MCF2L: variants seen among roughly 807,000 people sequenced by gnomAD.
MCF2L encodes the protein guanine nucleotide exchange factor DBS.
MCF2L carries 97 observed loss-of-function variants against 153.4 expected under a neutral mutation model. The ratio of observed to expected loss-of-function variants is 0.63; its 90% CI spans 0.54 to 0.75. The LOEUF is 0.75. MCF2L is among the 30% of genes least tolerant of loss of function. The probability of loss-of-function intolerance (pLI) is 0.00; values close to 1 mark genes in which losing one functional copy is unlikely to be tolerated. For missense variants in MCF2L, 1,347 were observed against 1,495.2 expected (o/e 0.90, Z 1.64); for synonymous variants, 659 against 632.2 (o/e 1.04, Z -0.64).
chr13:112,933,031 A>AAAAT (rs71208922), intron 2 of MCF2L, among the ~76,000 whole-genome samples: 25,185 of 150,810 alleles, frequency 0.17, 2,184 homozygotes, highest in South Asian at 0.2. Context: ...GCTCCATCTC[A>AAAAT]AAATAAATAA....
At position 113,014,641 on chromosome 13, in the gene MCF2L, C is replaced by G. The variant is rs2084390358; in HGVS notation, c.80-122C>G. ...TGGAAACTGAAAAGCCTTTTTCCAG[C>G]CACGTGACGCCACTCCCGTAGGTGC... On this transcript the variant is annotated intron_variant, in intron 1 of 29. Transcript: ENST00000535094. 1.1e-5 allele frequency: 8 copies of G among 697,532 alleles called. No individual in the cohort carries two copies. In the South Asian group the frequency reaches 1.4e-4, roughly 12 times the overall value. 43.2% of individuals were successfully genotyped at this position (697,532 alleles called of 1,614,324 possible).
At chr13:113,025,741 G>C (rs927404234) in intron 3 of MCF2L, among the ~76,000 whole-genome samples, 1,842 of 67,210 alleles carry the variant, frequency 0.027, no homozygotes, top group South Asian at 0.072. Flanking sequence ...GATTTCACCA[G>C]GGTGGGGTCC....
chr13:112,995,881 C>T (rs772505946), intron 1 of MCF2L, among the ~76,000 whole-genome samples: 8 of 152,220 alleles, frequency 5.3e-5, no homozygotes, highest in Non-Finnish European at 1.0e-4. Context: ...CAGGAACTGA[C>T]ATCCGCATGC....
At chr13:112,913,360 A>G (rs4907561) in intron 2 of MCF2L, among the ~76,000 whole-genome samples, 62,312 of 151,988 alleles carry the variant, frequency 0.41, 13,763 homozygotes, top group Admixed American at 0.52. Flanking sequence ...AACCCAGAAC[A>G]GAACATTATC....
chr13:112,943,424 G>A lies in MCF2L; in HGVS notation c.169+41053G>A, dbSNP rs1214765866. ...GCGCCGCAGGCGTGAACGCCCAACG[G>A]AGGGCGCCGGCGCCCGGGAGAGGCG... On this transcript the variant is annotated intron_variant, in intron 2 of 29. Transcript: ENST00000375608. The surrounding 1 kb of genome is among the most constrained non-coding windows in gnomAD (Gnocchi z 4.2). Among the ~76,000 whole-genome samples the A allele has an allele frequency of 6.6e-6, 1 of 152,008 alleles. No individual in the cohort carries two copies. Among genetic ancestry groups the A allele is most frequent in the East Asian group, 1.9e-4 (1 of 5,146 alleles).
chr13:113,042,608 G>A (rs2086570400), intron 3 of MCF2L: 1 of 152,224 alleles, frequency 6.6e-6, no homozygotes, highest in Non-Finnish European at 1.5e-5. Context: ...TGCACTGCCG[G>A]GTGTGAGGCA....
In MCF2L at chr13:112,931,778, A is replaced by G. The variant is rs186065382; in HGVS notation, c.169+29407A>G. ...ATCTTACAGTGACAGAAAGGGAGGA[A>G]CAAAACAAACAAAACAAAACCCAAA... On this transcript the variant is annotated intron_variant, in intron 2 of 29. Transcript: ENST00000375608. 1.1e-3 allele frequency among the ~76,000 whole-genome samples: 174 copies of G among 152,248 alleles called. 1 individual carries two copies. Among genetic ancestry groups the G allele is most frequent in the African/African-American group, 3.7e-3 (154 of 41,522 alleles).
intron 2 of MCF2L, among the ~76,000 whole-genome samples, chr13:112,940,706 G>A (rs888942393): frequency 2.0e-5 from 3 of 152,140 alleles, no homozygotes; most frequent in African/African-American, 4.8e-5. Context: ...ATAGCTTTAT[G>A]TGTATTATTA....
intron 1 of MCF2L, among the ~76,000 whole-genome samples, chr13:113,012,512 TGGTGGACACTGCAATGAGGAC>T (rs1163876531): frequency 2.6e-5 from 2 of 77,882 alleles, no homozygotes; most frequent in Admixed American, 2.8e-4. Context: ...GCTGGGTGGA[TGGTGGACACTGCAATGAGGAC>T]GGTGGACACT....
intron 2 of MCF2L, among the ~76,000 whole-genome samples, chr13:112,923,687 T>C (rs1035400488): frequency 1.3e-5 from 2 of 152,186 alleles, no homozygotes; most frequent in African/African-American, 4.8e-5. Flanking sequence ...AGCAACCTAA[T>C]AGGTAATTAA....
chr13:113,043,003 A>G (rs1263419912), intron 3 of MCF2L: 1 of 152,260 alleles, frequency 6.6e-6, no homozygotes, highest in Non-Finnish European at 1.5e-5. Context: ...CCGCTCAGGC[A>G]GCGCTGCGGG....
At chr13:112,937,749 C>T (rs1451808867) in intron 2 of MCF2L, among the ~76,000 whole-genome samples, 2 of 133,214 alleles carry the variant, frequency 1.5e-5, no homozygotes, top group Admixed American at 7.9e-5. Context: ...CACTGATGTG[C>T]TGGTTCAGGT....
rs913859684 is a variant in MCF2L at position 112,981,801 on chromosome 13, G to A, written c.79+12343G>A. Among the ~76,000 whole-genome samples the A allele has an allele frequency of 7.2e-5, 11 of 152,246 alleles. No homozygotes were observed. The South Asian group carries it at 1.7e-3, about 23-fold the overall frequency. ...GCCTCCTGTTGCCTGGGCCGCCAGC[G>A]TGACCCACCTGGCATGGACGCCTGG... On this transcript the variant is annotated intron_variant, in intron 1 of 29. Coordinates refer to ENST00000535094, the MANE Select transcript of MCF2L (RefSeq NM_001112732.3).
chr13:112,917,203 C>A, intron 2 of MCF2L: 1 of 470,694 alleles, frequency 2.1e-6, no homozygotes, highest in Non-Finnish European at 4.4e-6. Flanking sequence ...CTCCCCCGGG[C>A]ACTGCACCGC....
At chr13:113,085,805 GGGGTTT>G (rs2034581992) in intron 20 of MCF2L, among the ~76,000 whole-genome samples, 1 of 78,300 alleles carries the variant, frequency 1.3e-5, no homozygotes, top group Non-Finnish European at 2.7e-5. Context: ...GCAGGTGCGA[GGGGTTT>G]GCACCTGGCA....
chr13:113,093,524 T>A (rs1271784285), intron 26 of MCF2L: 4 of 152,278 alleles, frequency 2.6e-5, no homozygotes, highest in Non-Finnish European at 5.9e-5. Context: ...GACAGCTTGC[T>A]GTGGCGGCTT....
intron 2 of MCF2L, among the ~76,000 whole-genome samples, chr13:112,913,201 G>A (rs2081253795): frequency 6.7e-6 from 1 of 148,854 alleles, no homozygotes; most frequent in South Asian, 2.1e-4. Flanking sequence ...TGTGTCTGGT[G>A]TATCTCTGTA....
chr13:112,907,875 ATCTTT>A lies in MCF2L; in HGVS notation c.169+5510_169+5514del, dbSNP rs2081188400. On this transcript the variant is annotated intron_variant, in intron 2 of 29. Transcript: ENST00000375608. The surrounding 1 kb of genome is among the most constrained non-coding windows in gnomAD (Gnocchi z 5.1). ...TGAGCACCCACTGCTCCCTCCACTC[ATCTTT>A]TCTTTATAGTTCTGAGTCTCGAGTG... Among the ~76,000 whole-genome samples the A allele has an allele frequency of 6.6e-6, 1 of 152,294 alleles. No homozygotes were observed. Among genetic ancestry groups the A allele is most frequent in the East Asian group, 1.9e-4 (1 of 5,182 alleles).
chr13:113,082,471 G>C lies in MCF2L; in HGVS notation c.1920G>C (p.Leu640=). 1 of 1,614,078 alleles carries C rather than the reference G, an allele frequency of 6.2e-7. No individual in the cohort carries two copies. The highest frequency in any genetic ancestry group is 1.1e-5 in the South Asian group (1 of 91,080). The change falls in exon 17 of 30, where the codon CTG becomes CTC. Residue 640 remains leucine (L), a synonymous_variant. Coordinates refer to ENST00000535094, the MANE Select transcript of MCF2L (RefSeq NM_001112732.3). ...ATAACCCACTGATGGCTCACCTCCT[G>C]TCAACAGGCCTTCACAACAAGAAGG... The part of the protein sequence containing the change: ...EMDNPLMAHL[L]STGLHNKKDV...
Sources: gnomAD v4.1 joint callset for allele counts (sites outside exome capture counted in the v4.1 genomes callset) on GRCh38, gnomAD v4.1.1 for gene constraint, Gnocchi (gnomAD v3.1) non-coding constraint, MANE v1.5 for transcripts, NCBI Gene and HGNC (gene_info 2026-07-23, HGNC 2026-07-21) for gene names.